Variants in ANO7 observed in about 807,000 individuals in gnomAD.
ANO7 encodes anoctamin-7.
In ANO7, 114 loss-of-function variants were observed where a neutral mutation model predicts 115.8. That is an observed-to-expected ratio of 0.98 (90% CI 0.85 to 1.15). The LOEUF (loss-of-function observed/expected upper bound fraction) is 1.15. ANO7 is among the 50% of genes most tolerant of loss of function. The probability of loss-of-function intolerance (pLI) is 0.00; values close to 1 mark genes in which losing one functional copy is unlikely to be tolerated. For missense variants in ANO7, 1,302 were observed against 1,201.2 expected, an observed-to-expected ratio of 1.08 and a Z score of -1.24; for synonymous variants, 550 against 498.2, an observed-to-expected ratio of 1.10 and a Z score of -1.38.
At chr2:241,204,395 C>A (rs932566585) in intron 9 of ANO7, among the ~76,000 whole-genome samples, 1 of 104,344 alleles carries the variant, frequency 9.6e-6, no homozygotes, top group East Asian at 2.9e-4. Flanking sequence ...TGAGGGATTG[C>A]GGCTGTGGTC....
chr2:241,213,324 C>T (rs2068757923), intron 17 of ANO7, among the ~76,000 whole-genome samples: 1 of 152,276 alleles, frequency 6.6e-6, no homozygotes, highest in African/African-American at 2.4e-5. Flanking sequence ...GCTGTCCTCT[C>T]CCCATCAGCA....
chr2:241,212,244 G>A lies in ANO7; in HGVS notation c.1673+39G>A, dbSNP rs375829140. On this transcript the variant is annotated intron_variant, in intron 16 of 24. Transcript: ENST00000674324. ...TCTCCCTCTGGCCACAGCTTGTCCC[G>A]GCTTAGTTCTGCTCATGTTTCCCGC... 5.2e-4 allele frequency: 810 copies of A among 1,545,434 alleles called. 4 individuals carry two copies. Among genetic ancestry groups the A allele is most frequent in the Middle Eastern group, 1.5e-3 (9 of 5,910 alleles).
At chr2:241,219,102 A>G (rs946404824) in intron 21 of ANO7, among the ~76,000 whole-genome samples, 4 of 152,222 alleles carry the variant, frequency 2.6e-5, no homozygotes, top group Non-Finnish European at 4.4e-5. Flanking sequence ...CAACAGGAGA[A>G]GTGGTGGCCT....
chr2:241,209,647 C>A lies in ANO7; in HGVS notation c.1359+12C>A. On this transcript the variant is annotated intron_variant, in intron 13 of 24. Coordinates refer to ENST00000674324, the MANE Select transcript of ANO7 (RefSeq NM_001370694.2). The stretch of plus-strand genomic sequence containing the variant: ...TGATCGTGGTGATGGTATGCGGTCC[C>A]CCTGCCCTCCGCTCACGCCTCCATC... 1 of 1,528,540 alleles carries A rather than the reference C, an allele frequency of 6.5e-7. No individual in the cohort carries two copies. 94.7% of individuals were successfully genotyped at this position (1,528,540 alleles called of 1,614,324 possible).
At chr2:241,235,885 A>G in the ANO7 span, among the ~76,000 whole-genome samples, 1 of 152,170 alleles carries the variant, frequency 6.6e-6, no homozygotes, top group Non-Finnish European at 1.5e-5. Context: ...GACTCCTGGC[A>G]CATCCTCGGG....
chr2:241,240,106 G>T, the ANO7 span: 1 of 1,614,198 alleles, frequency 6.2e-7, no homozygotes, highest in Non-Finnish European at 8.5e-7. The surrounding 1 kb of genome is among the most constrained non-coding windows in gnomAD (Gnocchi z 5.5). Flanking sequence ...GATGTCAACA[G>T]TGAAACTCTT....
chr2:241,221,050 TTTTA>T (rs2068999639), intron 21 of ANO7, among the ~76,000 whole-genome samples: 1 of 151,894 alleles, frequency 6.6e-6, no homozygotes, highest in Non-Finnish European at 1.5e-5. Flanking sequence ...AAAATGATAT[TTTTA>T]TTTTTTTATT....
Position 241,212,641 on chromosome 2 carries a change from G to A in ANO7, c.1728+15G>A, listed in dbSNP as rs1164980642. On this transcript the variant is annotated intron_variant, in intron 17 of 24. Transcript: ENST00000674324. ...GCAATGAGGAGGTGAGTGTGCCTGA[G>A]GCCCGGGACTGGGGGATGAGCTGTG... is the stretch of plus-strand genomic sequence containing the variant. 2 of 1,610,130 alleles carry A rather than the reference G, an allele frequency of 1.2e-6. No individual in the cohort carries two copies. The highest frequency in any genetic ancestry group is 1.7e-6 in the Non-Finnish European group (2 of 1,178,136).
At chr2:241,213,904 G>T (rs1320113671) in intron 17 of ANO7, among the ~76,000 whole-genome samples, 2 of 152,258 alleles carry the variant, frequency 1.3e-5, no homozygotes, top group African/African-American at 4.8e-5. Context: ...GGAGTGGGGA[G>T]TGTGGCTGCG....
the ANO7 span, chr2:241,238,882 C>T: frequency 4.4e-5 from 44 of 998,998 alleles, 1 homozygote; most frequent in Admixed American, 1.2e-3. This position sits in a 1 kb window ranked among gnomAD's most constrained non-coding sequence, Gnocchi z 4.9. Flanking sequence ...TCCTCCCTGT[C>T]CTCTACAGCC....
the ANO7 span, chr2:241,233,934 A>G: frequency 1.2e-6 from 2 of 1,614,184 alleles, no homozygotes; most frequent in Non-Finnish European, 1.7e-6. This position sits in a 1 kb window ranked among gnomAD's most constrained non-coding sequence, Gnocchi z 4.3. Context: ...TGGGGTCTAC[A>G]GTGACACTCA....
intron 21 of ANO7, among the ~76,000 whole-genome samples, chr2:241,218,827 G>C (rs897433794): frequency 6.6e-6 from 1 of 152,230 alleles, no homozygotes; most frequent in African/African-American, 2.4e-5. Flanking sequence ...GTAAGCGTGA[G>C]GAACGTGACT....
At position 241,210,337 on chromosome 2, in the gene ANO7, C is replaced by T. The variant is rs758698808; in HGVS notation, c.1402C>T (p.Arg468Cys). ...GTGCCTCGTGTCTATCATCCTGTAC[C>T]GTGCCATCATGGCCATCGTGGTGTC... ...VMCLVSIILY[R>C]AIMAIVVSRS... is the part of the protein sequence containing the mutation. Residue 468 changes from arginine to cysteine, a missense_variant, in exon 14 of 25, where the codon CGT (arginine) becomes TGT (cysteine). By Grantham distance (180) the Arg-to-Cys change is radical. Transcript: ENST00000674324. 79 of 1,613,946 alleles carry T rather than the reference C, an allele frequency of 4.9e-5. No homozygotes were observed. Among genetic ancestry groups the T allele is most frequent in the South Asian group, 2.1e-4 (19 of 91,092 alleles).
At chr2:241,229,103 G>A (rs62186361), downstream of ANO7, 20,112 of 165,300 alleles carry the variant, frequency 0.12, 1,525 homozygotes, top group Non-Finnish European at 0.16. Context: ...CCTGACACCT[G>A]TGCTGAGGCG....
At chr2:241,191,108 A>T (rs1260650417) in intron 2 of ANO7, 86 bp from the exon 3 acceptor site, 3 of 1,477,534 alleles carry the variant, frequency 2.0e-6, no homozygotes, top group Middle Eastern at 1.8e-4. Flanking sequence ...GGAGGCGAGG[A>T]CGGCTTCAGG....
intron 17 of ANO7, among the ~76,000 whole-genome samples, chr2:241,213,533 CAGA>C (rs2068761036): frequency 1.3e-5 from 2 of 152,246 alleles, no homozygotes; most frequent in South Asian, 4.1e-4. Flanking sequence ...TGCATCACCC[CAGA>C]AGTAGTCTCC....
rs150530103 is a variant in ANO7 at position 241,220,667 on chromosome 2, C to G, written c.2321+2286C>G. On this transcript the variant is annotated intron_variant, in intron 21 of 24. Coordinates refer to ENST00000674324, the MANE Select transcript of ANO7 (RefSeq NM_001370694.2). ...ATACAAAAATTAGCTGGGCGTGGTG[C>G]TGGACGCCTGTAGTCCCAGCTACTC... Among the ~76,000 whole-genome samples the G allele has an allele frequency of 6.9e-3, 1,055 of 152,292 alleles. 12 individuals carry two copies. Among genetic ancestry groups the G allele is most frequent in the African/African-American group, 0.024 (991 of 41,546 alleles).
chr2:241,188,940 C>T lies in ANO7; in HGVS notation c.-8+174C>T, dbSNP rs1404745312. On this transcript the variant is annotated intron_variant, in intron 1 of 24. Coordinates refer to ENST00000674324, the MANE Select transcript of ANO7 (RefSeq NM_001370694.2). The surrounding 1 kb of genome is among the most constrained non-coding windows in gnomAD (Gnocchi z 4.3). ...CCCTTGGGGCACGAGGAGGGACACA[C>T]ACTCAGTGCGGCTCTGGACGGGGTA... Among the ~76,000 whole-genome samples the T allele has an allele frequency of 2.6e-5, 4 of 152,210 alleles. No individual in the cohort carries two copies. Among genetic ancestry groups the T allele is most frequent in the Admixed American group, 6.5e-5 (1 of 15,290 alleles).
intron 19 of ANO7, 140 bp downstream of exon 19, chr2:241,216,378 G>C (rs1268236804): frequency 1.7e-6 from 2 of 1,168,548 alleles, no homozygotes; most frequent in Non-Finnish European, 2.3e-6. Flanking sequence ...GGTGGGAACA[G>C]AGGGTCGGGC....
Sources: gnomAD v4.1 joint callset for allele counts (sites outside exome capture counted in the v4.1 genomes callset) on GRCh38, gnomAD v4.1.1 for gene constraint, Gnocchi (gnomAD v3.1) non-coding constraint, MANE v1.5 for transcripts, NCBI Gene and HGNC (gene_info 2026-07-23, HGNC 2026-07-21) for gene names.